The following USP38 variants were observed in gnomAD, a reference collection of about 807,000 sequenced individuals.
The protein encoded by USP38 is ubiquitin carboxyl-terminal hydrolase 38.
USP38 carries 49 observed loss-of-function variants against 94.3 expected under a neutral mutation model. The ratio of observed to expected loss-of-function variants is 0.52; its 90% CI spans 0.41 to 0.66. The LOEUF (loss-of-function observed/expected upper bound fraction) is 0.66, where lower values mean the gene tolerates loss of function less well. Among genes scored for constraint, USP38 ranks in the 30% least tolerant of loss-of-function variants. The pLI is 0.00. For synonymous variants in USP38, 468 were observed against 463.6 expected, an observed-to-expected ratio of 1.01 and a Z score of -0.12; for missense variants, 1,128 against 1,229.4, an observed-to-expected ratio of 0.92 and a Z score of 1.23.
intron 2 of USP38, among the ~76,000 whole-genome samples, chr4:143,192,421 C>T (rs1731422111): frequency 6.6e-6 from 1 of 152,102 alleles, no homozygotes; most frequent in African/African-American, 2.4e-5. Context: ...GCCTTGGCCT[C>T]CCAGAGTGCT....
At chr4:143,186,202 A>C (rs1270002239) in intron 1 of USP38, 70 bp downstream of exon 1, 1 of 1,469,734 alleles carries the variant, frequency 6.8e-7, no homozygotes, top group African/African-American at 1.4e-5. Flanking sequence ...ACACACATTC[A>C]CACCATGTTT....
chr4:143,194,354 G>T (rs964695691), intron 2 of USP38, among the ~76,000 whole-genome samples: 1 of 152,122 alleles, frequency 6.6e-6, no homozygotes, highest in Non-Finnish European at 1.5e-5. Flanking sequence ...ATCTATGTAG[G>T]TATTTAGGGT....
chr4:143,193,314 C>G, intron 2 of USP38, among the ~76,000 whole-genome samples: 1 of 151,576 alleles, frequency 6.6e-6, no homozygotes, highest in South Asian at 2.1e-4. Flanking sequence ...ATTTAAAACT[C>G]TATATACTGT....
At position 143,213,809 on chromosome 4, in the gene USP38, A is replaced by G. The variant is rs758450515; in HGVS notation, c.1833A>G (p.Glu611=). Residue 611 remains glutamate (E), a synonymous_variant, in exon 9 of 10, where the codon GAA becomes GAG. Coordinates refer to ENST00000307017, the MANE Select transcript of USP38 (RefSeq NM_032557.6). ...LNCRSTSQKV[E]AFTDLSLAFC... ...GCAGGAGTACCTCACAAAAAGTGGA[A>G]GCCTTTACAGATCTTTCGCTTGCCT... is the stretch of plus-strand genomic sequence containing the variant. 1.2e-5 allele frequency: 20 copies of G among 1,613,688 alleles called. No individual in the cohort carries two copies. The South Asian group carries it at 2.2e-4, about 18-fold the overall frequency.
chr4:143,207,031 C>T lies in USP38; in HGVS notation c.1403+805C>T, dbSNP rs1032995678. ...TCTTTCAAATCCATTTTCTTTTGCA[C>T]CTAAGCAAATAGGAAATCAGAAGTT... On this transcript the variant is annotated intron_variant, in intron 6 of 9. Transcript: ENST00000307017. Among the ~76,000 whole-genome samples the T allele has an allele frequency of 1.1e-4, 17 of 152,170 alleles. No individual in the cohort carries two copies. In the East Asian group the frequency reaches 3.1e-3, roughly 28 times the overall value.
chr4:143,203,556 AG>A lies in USP38; in HGVS notation c.1201del (p.Ala401GlnfsTer2). The stretch of plus-strand genomic sequence containing the variant: ...CCAGATCTCTATGAACCTATTCTGG[AG>A]GCAATAAAGGTATGATGATAGTTGT... Reference protein sequence around the residue: ...GFPDLYEPILEAIKDFPKPSE... With the variant: ...GFPDLYEPILXAIKDFPKPSE... On this transcript the variant is annotated frameshift_variant, in exon 5 of 10. Coordinates refer to ENST00000307017, the MANE Select transcript of USP38 (RefSeq NM_032557.6). LOFTEE classifies it high-confidence loss of function. 6.2e-7 allele frequency: 1 copy of A among 1,610,454 alleles called. No individual in the cohort carries two copies. Among genetic ancestry groups the A allele is most frequent in the Admixed American group, 1.7e-5 (1 of 59,444 alleles).
rs753478781 is a variant in USP38, at chr4:143,203,470, A to G, written c.1113A>G (p.Thr371=). The G allele has an allele frequency of 1.2e-6, 2 of 1,613,316 alleles. No individual in the cohort carries two copies. The highest frequency in any genetic ancestry group is 1.3e-5 in the African/African-American group (1 of 75,024). ...AAAATGATGGTCTGCCTTCAAGTAC[A>G]GCCTTCTTAGTACAATTAACAGAAT... ...SFKNDGLPSS[T]AFLVQLTELI... The change falls in exon 5 of 10, where the codon ACA becomes ACG. Residue 371 remains threonine, a synonymous_variant. Transcript: ENST00000307017.
intron 8 of USP38, among the ~76,000 whole-genome samples, chr4:143,213,350 T>C (rs1732080701): frequency 6.6e-6 from 1 of 152,182 alleles, no homozygotes; most frequent in East Asian, 1.9e-4. Context: ...ATACATGCTA[T>C]TAAGTAGCAG....
intron 4 of USP38, among the ~76,000 whole-genome samples, chr4:143,201,069 C>T (rs951404981): frequency 2.6e-5 from 4 of 152,138 alleles, no homozygotes; most frequent in Non-Finnish European, 5.9e-5. Flanking sequence ...TGAATAGCCA[C>T]AGCAATCCTA....
At position 143,203,417 on chromosome 4, in the gene USP38, C is replaced by T. The variant is rs371914580; in HGVS notation, c.1060C>T (p.His354Tyr). ...CCTTTTTTCTTTTCAGATTGTTCCT[C>T]ATGTGGTTAATTTGGTTCATTCTTT... ...SPEAFHLIVPHVVNLVHSFKN... is the reference protein window; with the variant it reads ...SPEAFHLIVPYVVNLVHSFKN... The change falls in exon 5 of 10, where the codon CAT (histidine) becomes TAT (tyrosine). Residue 354 changes from histidine to tyrosine, a missense_variant. Coordinates refer to ENST00000307017, the MANE Select transcript of USP38 (RefSeq NM_032557.6). 25 of 1,610,762 alleles carry T rather than the reference C, an allele frequency of 1.6e-5. No homozygotes were observed. The African/African-American group carries it at 3.3e-4, about 22-fold the overall frequency.
At chr4:143,206,981 T>A (rs532228982) in intron 6 of USP38, among the ~76,000 whole-genome samples, 23 of 152,240 alleles carry the variant, frequency 1.5e-4, no homozygotes, top group Non-Finnish European at 2.9e-4. Flanking sequence ...TAAACAGACA[T>A]GTTCCTTTCC....
rs779275966 is a variant in USP38 at position 143,185,191 on chromosome 4, G to A, written c.-260G>A. 2.6e-6 allele frequency: 1 copy of A among 378,904 alleles called. No homozygotes were observed. The allele number at this position is 378,904 out of a possible 1,614,324, so 23.5% of individuals were successfully genotyped here. On this transcript the variant is annotated 5_prime_UTR_variant, in exon 1 of 10. Transcript: ENST00000307017. ...AGTGGGATCGAGGGCCCGGGGCGGC[G>A]GCGGAGTACGGGCCTCTGGCGCCTT...
chr4:143,209,014 G>A (rs1317931575), intron 6 of USP38, among the ~76,000 whole-genome samples: 1 of 142,438 alleles, frequency 7.0e-6, no homozygotes, highest in Admixed American at 7.1e-5. Context: ...CTTTTCCCAC[G>A]CTCTATTCTT....
rs760346056 is a variant in USP38, at chr4:143,220,451, T to C, written c.3124T>C (p.Phe1042Leu). ...ATTTAATACAGTTGGCAGACTCGTA[T>C]TTTGATCCTGAGAGAGTCCAAAATG... is the stretch of plus-strand genomic sequence containing the variant. ...GGFNTVGRLV[F>L] The change falls in exon 10 of 10, where the codon TTT (phenylalanine) becomes CTT (leucine). Residue 1042 changes from phenylalanine (F) to leucine (L), a missense_variant. Phe to Leu is a conservative substitution (Grantham distance 22). Transcript: ENST00000307017. The C allele has an allele frequency of 1.2e-6, 2 of 1,611,408 alleles. No individual in the cohort carries two copies. Among genetic ancestry groups the C allele is most frequent in the Non-Finnish European group, 1.7e-6 (2 of 1,178,744 alleles).
intron 4 of USP38, among the ~76,000 whole-genome samples, chr4:143,200,391 T>C (rs530814237): frequency 2.6e-5 from 4 of 152,254 alleles, no homozygotes; most frequent in African/African-American, 9.6e-5. Flanking sequence ...CTGAAAATAA[T>C]AAGAGGCATC....
intron 9 of USP38, 169 bp downstream of exon 9, chr4:143,215,112 T>C (rs771357574): frequency 3.0e-6 from 2 of 671,002 alleles, no homozygotes; most frequent in African/African-American, 1.8e-5. Context: ...CTTTCTAATA[T>C]TGTGACAATT....
chr4:143,190,918 C>G (rs1731379371), intron 2 of USP38, among the ~76,000 whole-genome samples: 1 of 152,082 alleles, frequency 6.6e-6, no homozygotes, highest in Non-Finnish European at 1.5e-5. Flanking sequence ...TTTCCAGCCT[C>G]TTCAAAAACA....
intron 9 of USP38, among the ~76,000 whole-genome samples, chr4:143,218,046 C>A (rs1732230090): frequency 1.3e-5 from 2 of 152,092 alleles, no homozygotes; most frequent in African/African-American, 4.8e-5. Flanking sequence ...ATTGTATGGT[C>A]CAGATTACCC....
Position 143,220,618 on chromosome 4 carries a change from CA to C in USP38, c.*166del. The C allele has an allele frequency of 1.4e-6, 1 of 700,772 alleles. No homozygotes were observed. Among genetic ancestry groups the C allele is most frequent in the Non-Finnish European group, 1.9e-6 (1 of 520,264 alleles). 43.4% of individuals were successfully genotyped at this position (700,772 alleles called of 1,614,324 possible). On this transcript the variant is annotated 3_prime_UTR_variant, in exon 10 of 10. Transcript: ENST00000307017. ...TTTATTTTCTTGACACATTTATTAA[CA>C]AAATGCATCATGGAAAAAAAAATCT...
Sources: allele counts gnomAD v4.1 joint callset (sites outside exome capture counted in the v4.1 genomes callset), GRCh38; gene constraint gnomAD v4.1.1; transcripts MANE v1.5; gene names NCBI Gene and HGNC (gene_info 2026-07-23, HGNC 2026-07-21).